BAAT: variants seen among roughly 807,000 people sequenced by gnomAD.
BAAT encodes the protein bile acid CoA: amino acid N-acyltransferase (glycine N-choloyltransferase).
BAAT carries 13 observed loss-of-function variants against 18.9 expected under a neutral mutation model. The observed-to-expected ratio is 0.69, with a 90% CI of 0.45 to 1.10. BAAT has a LOEUF of 1.10. Ranked by LOEUF, BAAT falls within the 50% of genes least tolerant of loss-of-function variation. The pLI is 0.00. For missense variants in BAAT, 489 were observed against 504.0 expected, an observed-to-expected ratio of 0.97 and a Z score of 0.28; for synonymous variants, 170 against 190.7, an observed-to-expected ratio of 0.89 and a Z score of 0.89.
At chr9:101,375,714 T>C (rs867029786) in intron 1 of BAAT, 1 of 153,078 alleles carries the variant, frequency 6.5e-6, no homozygotes, top group African/African-American at 2.4e-5. Flanking sequence ...GCCACCGAAG[T>C]TTCTGCTATT....
intron 1 of BAAT, chr9:101,375,295 A>G (rs915606700): frequency 1.3e-5 from 2 of 153,466 alleles, no homozygotes; most frequent in Admixed American, 6.5e-5. Context: ...TCTTTCCTTT[A>G]TAAATTACCT....
chr9:101,376,413 C>T, intron 1 of BAAT: 1 of 171,298 alleles, frequency 5.8e-6, no homozygotes, highest in Non-Finnish European at 1.3e-5. Flanking sequence ...CTGTTGAATT[C>T]TCCATCATAT....
chr9:101,375,795 C>A (rs73657935), intron 1 of BAAT, among the ~76,000 whole-genome samples: 1 of 152,186 alleles, frequency 6.6e-6, no homozygotes. Flanking sequence ...AGGCAGGGAG[C>A]GCACTAGCTG....
chr9:101,372,012 G>C (rs552704827), intron 1 of BAAT, among the ~76,000 whole-genome samples: 1 of 152,078 alleles, frequency 6.6e-6, no homozygotes, highest in African/African-American at 2.4e-5. Flanking sequence ...CAGCAACATG[G>C]ATGCAGCTAA....
chr9:101,371,876 T>C (rs1467708306), intron 1 of BAAT, among the ~76,000 whole-genome samples: 1 of 152,132 alleles, frequency 6.6e-6, no homozygotes, highest in Non-Finnish European at 1.5e-5. Context: ...CGCTAATCCC[T>C]TCCTCAAGTC....
chr9:101,362,695 A>G lies in BAAT; in HGVS notation c.990T>C (p.Thr330=), dbSNP rs778307746. The change falls in exon 4 of 4, where the codon ACT becomes ACC. Residue 330 remains threonine (T), a synonymous_variant. Coordinates refer to ENST00000259407, the MANE Select transcript of BAAT (RefSeq NM_001701.4). ...FLFIVGEGDK[T]INSKAHAEQA... ...GTTCAGCGTGTGCTTTGCTGTTGAT[A>G]GTCTTATCACCTTCTCCTACAATGA... is the stretch of plus-strand genomic sequence containing the variant. 19 of 1,614,032 alleles carry G rather than the reference A, an allele frequency of 1.2e-5. No homozygotes were observed. Among genetic ancestry groups the G allele is most frequent in the African/African-American group, 2.7e-5 (2 of 74,900 alleles).
intron 3 of BAAT, among the ~76,000 whole-genome samples, chr9:101,363,886 C>T (rs1025295121): frequency 1.4e-4 from 22 of 152,060 alleles, no homozygotes; most frequent in African/African-American, 5.1e-4. Context: ...GCGGTGTGTG[C>T]CTGTAGGCCC....
intron 3 of BAAT, among the ~76,000 whole-genome samples, chr9:101,364,279 G>A (rs1829788156): frequency 6.6e-6 from 1 of 152,144 alleles, no homozygotes; most frequent in Non-Finnish European, 1.5e-5. Flanking sequence ...ACAGAATCAT[G>A]AAGAGAAAGC....
rs1212113803 is a variant in BAAT, at chr9:101,361,691, A to AT, written c.*736dup. On this transcript the variant is annotated 3_prime_UTR_variant, in exon 4 of 4. Coordinates refer to ENST00000259407, the MANE Select transcript of BAAT (RefSeq NM_001701.4). ...CTAGTAGAGTTGTGTTTCTATTTTT[A>AT]TTTTTTACTTTTATTAATTTTATTT... 1.3e-5 allele frequency: 2 copies of AT among 152,540 alleles called. No individual in the cohort carries two copies. Among genetic ancestry groups the AT allele is most frequent in the African/African-American group, 4.8e-5 (2 of 41,418 alleles). The allele number at this position is 152,540 out of a possible 1,614,324, so 9.4% of individuals were successfully genotyped here.
In BAAT at chr9:101,362,944, G is replaced by A; in HGVS notation, c.741C>T (p.Tyr247=). The A allele has an allele frequency of 1.2e-6, 2 of 1,613,940 alleles. No individual in the cohort carries two copies. The highest frequency in any genetic ancestry group is 1.7e-4 in the Middle Eastern group (1 of 6,060). ...GTACCGTGGCTGTGACTTGCTTTAG[G>A]TAAATAGCCATAGATAGTCCAATCT... ...GVQIGLSMAI[Y]LKQVTATVLI... The change falls in exon 4 of 4, where the codon TAC becomes TAT. Residue 247 remains tyrosine, a synonymous_variant. Transcript: ENST00000259407.
chr9:101,362,008 G>T lies in BAAT; in HGVS notation c.*420C>A, dbSNP rs1588137521. 1 of 180,120 alleles carries T rather than the reference G, an allele frequency of 5.6e-6. No individual in the cohort carries two copies. Among genetic ancestry groups the T allele is most frequent in the East Asian group, 1.5e-4 (1 of 6,542 alleles). The allele number at this position is 180,120 out of a possible 1,614,324, so 11.2% of individuals were successfully genotyped here. ...TGAAGTTGAAAAATATCACTAAAAT[G>T]ATTATAATTTAGTATTAATTTTCTC... On this transcript the variant is annotated 3_prime_UTR_variant, in exon 4 of 4. Coordinates refer to ENST00000259407, the MANE Select transcript of BAAT (RefSeq NM_001701.4).
At chr9:101,372,371 T>G (rs1020568002) in intron 1 of BAAT, among the ~76,000 whole-genome samples, 15 of 151,560 alleles carry the variant, frequency 9.9e-5, no homozygotes, top group Non-Finnish European at 1.8e-4. Context: ...AGGGGTGGTG[T>G]GTGTATTGCT....
intron 1 of BAAT, among the ~76,000 whole-genome samples, chr9:101,371,799 TA>T (rs1048949813): frequency 3.3e-5 from 5 of 152,040 alleles, no homozygotes; most frequent in African/African-American, 1.2e-4. Flanking sequence ...AGGATAAAAA[TA>T]AGATGTGGGT....
At chr9:101,370,417 A>C (rs1031093881) in intron 2 of BAAT, among the ~76,000 whole-genome samples, 1 of 144,922 alleles carries the variant, frequency 6.9e-6, no homozygotes, top group Non-Finnish European at 1.5e-5. Flanking sequence ...GGCTCAAGAG[A>C]TCTTTCCTCC....
rs1564052339 is a variant in BAAT, at chr9:101,360,747, T to C, written c.*1681A>G. 6.5e-6 allele frequency: 1 copy of C among 153,608 alleles called. No homozygotes were observed. 9.5% of individuals were successfully genotyped at this position (153,608 alleles called of 1,614,324 possible). A position where few individuals can be genotyped will look rare whatever the true frequency, so the allele number is the denominator to read the frequency against. ...CTCACCTCCAACACTAGGGATTACATTTCAGCATGAAATTTGGGCACAACA... is the reference window on the plus strand; with the variant it reads ...CTCACCTCCAACACTAGGGATTACACTTCAGCATGAAATTTGGGCACAACA... On this transcript the variant is annotated 3_prime_UTR_variant, in exon 4 of 4. Transcript: ENST00000259407.
At chr9:101,382,768 T>C (rs1297743696) in intron 1 of BAAT, among the ~76,000 whole-genome samples, 1 of 152,180 alleles carries the variant, frequency 6.6e-6, no homozygotes, top group African/African-American at 2.4e-5. Context: ...CCTAACAATA[T>C]TATCCATTCA....
intron 1 of BAAT, among the ~76,000 whole-genome samples, chr9:101,372,214 G>T (rs1829962827): frequency 6.6e-6 from 1 of 151,560 alleles, no homozygotes; most frequent in Admixed American, 6.6e-5. Context: ...ATATCAGGGT[G>T]ACAGGTTCAC....
Position 101,362,278 on chromosome 9 carries a change from T to C in BAAT, c.*150A>G, listed in dbSNP as rs1829739391. On this transcript the variant is annotated 3_prime_UTR_variant, in exon 4 of 4. Coordinates refer to ENST00000259407, the MANE Select transcript of BAAT (RefSeq NM_001701.4). The stretch of plus-strand genomic sequence containing the variant: ...AGCTTGTTATGCAGTATAAGTGAAA[T>C]ATCAGGTTTTTACCCTATGCTCTTT... 1.3e-6 allele frequency: 1 copy of C among 792,424 alleles called. No homozygotes were observed. Among genetic ancestry groups the C allele is most frequent in the African/African-American group, 1.7e-5 (1 of 57,764 alleles). 49.1% of individuals were successfully genotyped at this position (792,424 alleles called of 1,614,324 possible).
intron 1 of BAAT, 48 bp from the exon 2 acceptor site, chr9:101,371,511 G>T: frequency 8.8e-7 from 1 of 1,141,694 alleles, no homozygotes; most frequent in Non-Finnish European, 1.3e-6. Flanking sequence ...AGAGATAAGG[G>T]TTGATGAAAG....
Sources: allele counts gnomAD v4.1 joint callset (sites outside exome capture counted in the v4.1 genomes callset), GRCh38; gene constraint gnomAD v4.1.1; transcripts MANE v1.5; gene names NCBI Gene and HGNC (gene_info 2026-07-23, HGNC 2026-07-21).